The following DNM2 variants were observed in gnomAD, a reference collection of about 807,000 sequenced individuals.
DNM2 encodes the protein dynamin 2.
A neutral mutation model predicts 99.0 loss-of-function variants in DNM2; 15 were observed. The observed-to-expected ratio is 0.15, with a 90% confidence interval of 0.10 to 0.23. DNM2 has a LOEUF of 0.23. DNM2 is among the 10% of genes least tolerant of loss of function. The pLI is 1.00. For synonymous variants in DNM2, 525 were observed against 481.2 expected (o/e 1.09, Z -1.19); for missense variants, 742 against 1,189.4 (o/e 0.62, Z 5.53).
intron 1 of DNM2, among the ~76,000 whole-genome samples, chr19:10,739,590 C>T (rs1419213291): frequency 6.6e-6 from 1 of 152,148 alleles, no homozygotes; most frequent in Non-Finnish European, 1.5e-5. Context: ...TGCAGTGGCG[C>T]ACGCCTGTAA....
intron 6 of DNM2, among the ~76,000 whole-genome samples, chr19:10,785,187 G>C (rs866419014): frequency 1.3e-5 from 2 of 151,782 alleles, no homozygotes; most frequent in Non-Finnish European, 2.9e-5. Context: ...GCACAATCTC[G>C]GCTCACTGTA....
In DNM2 at chr19:10,816,635, C is replaced by T. The variant is rs758683198; in HGVS notation, c.1672-3345C>T. ...CGCCTTGCAGTGAGAAACCAGCCTG[C>T]GCTGTGGTGTGTGGGCTGTCAGGCC... is the stretch of plus-strand genomic sequence containing the variant. On this transcript the variant is annotated intron_variant, in intron 15 of 20. Coordinates refer to ENST00000389253, the MANE Select transcript of DNM2 (RefSeq NM_001005361.3). This position sits in a 1 kb window ranked among gnomAD's most constrained non-coding sequence, Gnocchi z 4.6. 3.9e-5 allele frequency among the ~76,000 whole-genome samples: 6 copies of T among 152,166 alleles called. No homozygotes were observed. Among genetic ancestry groups the T allele is most frequent in the Non-Finnish European group, 7.3e-5 (5 of 68,032 alleles).
In DNM2 at chr19:10,830,019, C is replaced by A; in HGVS notation, c.2292-108C>A. ...GGGTGGGAGGATCCCACTGCGCCTG[C>A]GCTGTCCCCATAGCCAGCCCCCACC... is the stretch of plus-strand genomic sequence containing the variant. On this transcript the variant is annotated intron_variant, in intron 19 of 20. Transcript: ENST00000389253. This position sits in a 1 kb window ranked among gnomAD's most constrained non-coding sequence, Gnocchi z 4.8. 1 of 1,509,446 alleles carries A rather than the reference C, an allele frequency of 6.6e-7. No homozygotes were observed. The highest frequency in any genetic ancestry group is 9.2e-7 in the Non-Finnish European group (1 of 1,085,602). The allele number at this position is 1,509,446 out of a possible 1,614,324, so 93.5% of individuals were successfully genotyped here. A position where few individuals can be genotyped will look rare whatever the true frequency, so the allele number is the denominator to read the frequency against.
At chr19:10,762,924 A>G (rs1231729496) in intron 2 of DNM2, among the ~76,000 whole-genome samples, 1 of 152,098 alleles carries the variant, frequency 6.6e-6, no homozygotes, top group Non-Finnish European at 1.5e-5. Context: ...GCTGTGGTGG[A>G]GGTGGATGCA....
chr19:10,789,334 C>T (rs1350868500), intron 7 of DNM2, among the ~76,000 whole-genome samples: 1 of 152,126 alleles, frequency 6.6e-6, no homozygotes, highest in Non-Finnish European at 1.5e-5. Context: ...GGTGATTGGA[C>T]CTCTCTGAGC....
chr19:10,732,076 T>A (rs1480387261), intron 1 of DNM2, among the ~76,000 whole-genome samples: 1 of 150,832 alleles, frequency 6.6e-6, no homozygotes, highest in African/African-American at 2.4e-5. Context: ...TGCCTCAGCC[T>A]CCCGAGTAGC....
At position 10,772,576 on chromosome 19, in the gene DNM2, C is replaced by A; in HGVS notation, c.333C>A (p.Thr111=). 22 of 1,614,186 alleles carry A rather than the reference C, an allele frequency of 1.4e-5. No individual in the cohort carries two copies. The highest frequency in any genetic ancestry group is 1.9e-5 in the Non-Finnish European group (22 of 1,180,032). ...IEAETDRVTG[T]NKGISPVPIN... is the part of the protein sequence containing the mutation. ...CAGAGACCGACAGGGTCACGGGGAC[C>A]AACAAAGGCATCTCCCCAGTGCCCA... is the stretch of plus-strand genomic sequence containing the variant. The change falls in exon 3 of 21, where the codon ACC becomes ACA. Residue 111 remains threonine (T), a synonymous_variant. Transcript: ENST00000389253. The surrounding 1 kb of genome is among the most constrained non-coding windows in gnomAD (Gnocchi z 4.9).
At chr19:10,813,444 C>T (rs190246285) in intron 15 of DNM2, among the ~76,000 whole-genome samples, 35 of 152,288 alleles carry the variant, frequency 2.3e-4, no homozygotes, top group East Asian at 1.9e-4. Flanking sequence ...GTAATGATCA[C>T]GGCAGAGTGT....
rs1246355809 is a variant in DNM2, at chr19:10,797,503, A to G, written c.1320A>G (p.Lys440=). The G allele has an allele frequency of 1.3e-5, 21 of 1,613,506 alleles. No individual in the cohort carries two copies. The highest frequency in any genetic ancestry group is 1.7e-5 in the Non-Finnish European group (20 of 1,179,760). ...LVVSELATVI[K]KCAEKLSSYP... ...TCTCAGAGCTGGCCACGGTCATAAA[A>G]AAGTGTGCCGAGAAGGTAACAGGTT... The change falls in exon 10 of 21, where the codon AAA becomes AAG. Residue 440 remains lysine (K), a synonymous_variant. Transcript: ENST00000389253.
intron 1 of DNM2, among the ~76,000 whole-genome samples, chr19:10,743,595 G>A (rs900984837): frequency 6.6e-6 from 1 of 151,898 alleles, no homozygotes; most frequent in Non-Finnish European, 1.5e-5. Flanking sequence ...TGGATCACAA[G>A]GTCAGGAGAT....
rs1445574585 is a variant in DNM2 at position 10,813,282 on chromosome 19, A to AG, written c.1671+910dup. On this transcript the variant is annotated intron_variant, in intron 15 of 20. Transcript: ENST00000389253. ...GGGAGGGACTCGTTCACTGCGAGTG[A>AG]GGGGGCAGGCCTTGAGCAAGGATAC... is the stretch of plus-strand genomic sequence containing the variant. 3.3e-5 allele frequency among the ~76,000 whole-genome samples: 5 copies of AG among 152,276 alleles called. No homozygotes were observed. The East Asian group carries it at 9.6e-4, about 29-fold the overall frequency.
At chr19:10,759,883 G>A (rs571211426) in intron 2 of DNM2, 72 bp downstream of exon 2, 51 of 1,592,130 alleles carry the variant, frequency 3.2e-5, no homozygotes, top group Admixed American at 3.0e-4. Context: ...TGCTGGGGGC[G>A]GAGGGTGGAA....
At chr19:10,799,216 G>A (rs1296910027) in intron 11 of DNM2, among the ~76,000 whole-genome samples, 1 of 152,114 alleles carries the variant, frequency 6.6e-6, no homozygotes, top group Admixed American at 6.6e-5. Flanking sequence ...GACAGAGCGA[G>A]ACCCCGTCTC....
chr19:10,779,344 T>C (rs1236385955), intron 5 of DNM2, among the ~76,000 whole-genome samples: 1 of 151,548 alleles, frequency 6.6e-6, no homozygotes, highest in Non-Finnish European at 1.5e-5. Context: ...ATCTGTAACC[T>C]CTCCCACTTT....
At chr19:10,800,272 C>G (rs985942229) in intron 11 of DNM2, among the ~76,000 whole-genome samples, 3 of 152,188 alleles carry the variant, frequency 2.0e-5, no homozygotes, top group Admixed American at 6.5e-5. Flanking sequence ...AATGGTCCCT[C>G]TCCCCTTGCC....
chr19:10,771,293 T>A (rs867201286), intron 2 of DNM2, among the ~76,000 whole-genome samples: 1 of 152,244 alleles, frequency 6.6e-6, no homozygotes, highest in South Asian at 2.1e-4. Flanking sequence ...GATTCGGGAC[T>A]GGATTTCTCT....
intron 17 of DNM2, chr19:10,824,125 G>C: frequency 5.3e-6 from 3 of 569,726 alleles, no homozygotes; most frequent in South Asian, 3.9e-5. Context: ...ACAGGGGATG[G>C]GGTCCCACTT....
chr19:10,748,814 C>T (rs1008257777), intron 1 of DNM2, among the ~76,000 whole-genome samples: 5 of 152,134 alleles, frequency 3.3e-5, no homozygotes, highest in Admixed American at 6.5e-5. Flanking sequence ...GAGGATTTGC[C>T]GCTATGTTGC....
chr19:10,802,411 A>G (rs1599583415), intron 12 of DNM2, 53 bp downstream of exon 12: 1 of 1,587,096 alleles, frequency 6.3e-7, no homozygotes, highest in East Asian at 2.2e-5. Context: ...TCACTCTCAG[A>G]TCCAAGGAGG....
Sources: allele counts gnomAD v4.1 joint callset (sites outside exome capture counted in the v4.1 genomes callset), GRCh38; gene constraint gnomAD v4.1.1; non-coding constraint Gnocchi (gnomAD v3.1); transcripts MANE v1.5; gene names NCBI Gene and HGNC (gene_info 2026-07-23, HGNC 2026-07-21).